Variants in ABCB5 observed in about 807,000 individuals in gnomAD.
The protein encoded by ABCB5 is ATP binding cassette subfamily B member 5, also known as ATP-binding cassette sub-family B member 5.
A neutral mutation model predicts 144.2 loss-of-function variants in ABCB5; 155 were observed. The observed-to-expected ratio is 1.08, with a 90% CI of 0.94 to 1.23. The LOEUF (loss-of-function observed/expected upper bound fraction) is 1.23, where lower values mean the gene tolerates loss of function less well. ABCB5 is among the 50% of genes most tolerant of loss of function. The pLI, the probability that ABCB5 is intolerant of heterozygous loss-of-function variation, is 0.00. For synonymous variants in ABCB5, 610 were observed against 528.6 expected, an observed-to-expected ratio of 1.15 and a Z score of -2.11; for missense variants, 1,830 against 1,520.8, an observed-to-expected ratio of 1.20 and a Z score of -3.38.
At position 20,645,757 on chromosome 7, in the gene ABCB5, T is replaced by G. The variant is rs752113363; in HGVS notation, c.680T>G (p.Met227Arg). Residue 227 changes from methionine (M) to arginine (R), a missense_variant and splice_region_variant, in exon 8 of 28, where the codon ATG (methionine) becomes AGG (arginine). Coordinates refer to ENST00000404938, the MANE Select transcript of ABCB5 (RefSeq NM_001163941.2). Reference protein sequence around the residue: ...IMASAAACSRMVISLTSKELS... With the variant: ...IMASAAACSRRVISLTSKELS... ...AACTGTGGTTGTGGTTTATTACAGA[T>G]GGTCATCTCATTGACCAGTAAGGAA... 6.2e-7 allele frequency: 1 copy of G among 1,613,730 alleles called. No homozygotes were observed. Among genetic ancestry groups the G allele is most frequent in the South Asian group, 1.1e-5 (1 of 91,056 alleles).
chr7:20,671,866 G>A (rs185819142), intron 14 of ABCB5, among the ~76,000 whole-genome samples: 143 of 152,226 alleles, frequency 9.4e-4, no homozygotes, highest in African/African-American at 3.3e-3. Context: ...TGAATCTTAT[G>A]GTAGGTATAC....
chr7:20,617,301 T>C (rs1783709245), intron 1 of ABCB5, among the ~76,000 whole-genome samples: 1 of 152,166 alleles, frequency 6.6e-6, no homozygotes, highest in Admixed American at 6.5e-5. Flanking sequence ...TTCCAGTGCA[T>C]TTCTTTAGAT....
chr7:20,634,127 C>G, intron 5 of ABCB5, among the ~76,000 whole-genome samples: 1 of 151,006 alleles, frequency 6.6e-6, no homozygotes, highest in East Asian at 1.9e-4. Context: ...TGGTATTTGA[C>G]TGTTTCTGAG....
intron 14 of ABCB5, among the ~76,000 whole-genome samples, chr7:20,663,471 G>T (rs980828436): frequency 2.0e-5 from 3 of 152,074 alleles, no homozygotes; most frequent in Admixed American, 6.5e-5. Flanking sequence ...TATCCTAAGT[G>T]AAATAAAACT....
chr7:20,648,167 A>C lies in ABCB5; in HGVS notation c.1206+89A>C, dbSNP rs1383085083. 3 of 817,036 alleles carry C rather than the reference A, an allele frequency of 3.7e-6. No homozygotes were observed. The African/African-American group carries it at 5.2e-5, about 14-fold the overall frequency. The allele number at this position is 817,036 out of a possible 1,614,324, so 50.6% of individuals were successfully genotyped here. A position where few individuals can be genotyped will look rare whatever the true frequency, so the allele number is the denominator to read the frequency against. On this transcript the variant is annotated intron_variant, in intron 11 of 27. Coordinates refer to ENST00000404938, the MANE Select transcript of ABCB5 (RefSeq NM_001163941.2). ...TTCTCTGACATGATTACTTAGGATC[A>C]CTTTTTTCCAAGATTTTGGCTACTT...
chr7:20,642,783 TTGAATTTGGGGC>T (rs1206924318), intron 5 of ABCB5, among the ~76,000 whole-genome samples: 1 of 152,204 alleles, frequency 6.6e-6, no homozygotes, highest in East Asian at 1.9e-4. Context: ...ATTCCTTAAG[TTGAATTTGGGGC>T]TGACTATGTA....
rs765814085 is a variant in ABCB5 at position 20,626,562 on chromosome 7, CAGA to C, written c.64_66del (p.Glu22del). The stretch of plus-strand genomic sequence containing the variant: ...TTTGAACTTTTATTTTCCAGAACTG[CAGA>C]AGAACAGCCAAAACTGAGAAAGGAA... On this transcript the variant is annotated inframe_deletion, in exon 3 of 28. Transcript: ENST00000404938. The C allele has an allele frequency of 1.8e-4, 294 of 1,606,610 alleles. No homozygotes were observed. The highest frequency in any genetic ancestry group is 2.4e-4 in the Non-Finnish European group (280 of 1,176,332).
chr7:20,654,243 C>A (rs1784696186), intron 13 of ABCB5, among the ~76,000 whole-genome samples: 1 of 151,952 alleles, frequency 6.6e-6, no homozygotes, highest in Non-Finnish European at 1.5e-5. Flanking sequence ...TTCAACACAA[C>A]AATTACAGTA....
At chr7:20,656,848 T>G (rs1198831382) in intron 13 of ABCB5, among the ~76,000 whole-genome samples, 3 of 151,866 alleles carry the variant, frequency 2.0e-5, no homozygotes, top group Non-Finnish European at 2.9e-5. Flanking sequence ...AGGAAACAAT[T>G]TAAGTGTTCA....
rs1783669654 is a variant in ABCB5, at chr7:20,615,737, G to A, written c.-122G>A. 6.6e-6 allele frequency: 1 copy of A among 152,176 alleles called. No homozygotes were observed. The highest frequency in any genetic ancestry group is 2.1e-4 in the South Asian group (1 of 4,828). 9.4% of individuals were successfully genotyped at this position (152,176 alleles called of 1,614,324 possible). ...GGCAAAAAATTGATACCTTGTATCT[G>A]AAAGCTTTATCCTATCCTCTTCAGA... is the stretch of plus-strand genomic sequence containing the variant. On this transcript the variant is annotated 5_prime_UTR_variant, in exon 1 of 28. Transcript: ENST00000404938.
intron 10 of ABCB5, 121 bp downstream of exon 10, chr7:20,647,769 T>C (rs190749390): frequency 7.0e-6 from 10 of 1,432,102 alleles, no homozygotes; most frequent in South Asian, 5.4e-5. Flanking sequence ...GCCAGTTGTT[T>C]ATGGGAAAGA....
At chr7:20,678,386 C>A (rs1369808100) in intron 14 of ABCB5, among the ~76,000 whole-genome samples, 1 of 152,138 alleles carries the variant, frequency 6.6e-6, no homozygotes, top group Non-Finnish European at 1.5e-5. Context: ...AGAGGGAAAA[C>A]CACACTGGGT....
intron 14 of ABCB5, among the ~76,000 whole-genome samples, chr7:20,678,610 CAAAACA>C (rs571153694): frequency 0.018 from 2,679 of 149,138 alleles, 32 homozygotes; most frequent in South Asian, 0.048. Flanking sequence ...TAGGCATTTA[CAAAACA>C]AAAACAAAAA....
At chr7:20,690,754 T>C (rs1786192478) in intron 16 of ABCB5, among the ~76,000 whole-genome samples, 1 of 152,034 alleles carries the variant, frequency 6.6e-6, no homozygotes, top group South Asian at 2.1e-4. Flanking sequence ...CCTGCACCAT[T>C]TAGATTCGGA....
At chr7:20,658,795 G>C (rs757649631) in intron 14 of ABCB5, 119 bp downstream of exon 14, 2 of 1,245,484 alleles carry the variant, frequency 1.6e-6, no homozygotes, top group African/African-American at 1.5e-5. Context: ...AGGTATAAAG[G>C]CAGGATGTTA....
intron 14 of ABCB5, among the ~76,000 whole-genome samples, chr7:20,674,164 T>A (rs1006459155): frequency 6.6e-5 from 10 of 151,940 alleles, no homozygotes; most frequent in Admixed American, 6.6e-5. Context: ...TTTAAAAAAA[T>A]TTAAATAGGT....
intron 14 of ABCB5, among the ~76,000 whole-genome samples, chr7:20,675,044 T>G (rs149204951): frequency 3.9e-5 from 6 of 151,980 alleles, no homozygotes; most frequent in Non-Finnish European, 7.4e-5. Context: ...ACTGGAAGAC[T>G]TGATATTGTT....
intron 25 of ABCB5, among the ~76,000 whole-genome samples, chr7:20,744,366 C>A (rs762519749): frequency 6.6e-6 from 1 of 152,154 alleles, no homozygotes; most frequent in Non-Finnish European, 1.5e-5. Context: ...ATGAACCTTT[C>A]TTTTGCTATT....
In ABCB5 at chr7:20,698,551, G is replaced by A. The variant is rs756265243; in HGVS notation, c.2154+1G>A. The A allele has an allele frequency of 3.5e-5, 56 of 1,585,658 alleles. No homozygotes were observed. Among genetic ancestry groups the A allele is most frequent in the African/African-American group, 1.4e-4 (10 of 72,928 alleles). ...CATCATCTTTGCAAAAATTATAACC[G>A]TAAGTAAAATAAATTTGCTAATACT... is the stretch of plus-strand genomic sequence containing the variant. On this transcript the variant is annotated splice_donor_variant, in intron 17 of 27. Coordinates refer to ENST00000404938, the MANE Select transcript of ABCB5 (RefSeq NM_001163941.2). LOFTEE classifies it high-confidence loss of function.
Sources: gnomAD v4.1 joint callset for allele counts (sites outside exome capture counted in the v4.1 genomes callset) on GRCh38, gnomAD v4.1.1 for gene constraint, MANE v1.5 for transcripts, NCBI Gene and HGNC (gene_info 2026-07-23, HGNC 2026-07-21) for gene names.